CDK19: variants seen among roughly 807,000 people sequenced by gnomAD.
CDK19 encodes the protein cyclin dependent kinase 19.
CDK19 carries 20 observed loss-of-function variants against 68.3 expected under a neutral mutation model. That is an observed-to-expected ratio of 0.29 (90% CI 0.21 to 0.43). The LOEUF (loss-of-function observed/expected upper bound fraction) is 0.43. Among genes scored for constraint, CDK19 ranks in the 20% least tolerant of loss-of-function variants. The pLI, the probability that CDK19 is intolerant of heterozygous loss-of-function variation, is 1.00. For missense variants in CDK19, 339 were observed against 623.5 expected (o/e 0.54, Z 4.86); for synonymous variants, 221 against 222.8 (o/e 0.99, Z 0.07).
intron 2 of CDK19, among the ~76,000 whole-genome samples, chr6:110,694,636 C>A (rs1713130031): frequency 6.6e-6 from 1 of 152,174 alleles, no homozygotes; most frequent in African/African-American, 2.4e-5. Context: ...TTTAACTATA[C>A]CCTAGAACAA....
At chr6:110,637,850 C>T (rs541443520) in intron 5 of CDK19, among the ~76,000 whole-genome samples, 79 of 152,108 alleles carry the variant, frequency 5.2e-4, no homozygotes, top group Admixed American at 8.5e-4. Flanking sequence ...GGCGTGGTGG[C>T]GGGAGCCTGT....
chr6:110,785,387 A>C, intron 1 of CDK19, among the ~76,000 whole-genome samples: 1 of 152,200 alleles, frequency 6.6e-6, no homozygotes, highest in East Asian at 1.9e-4. Flanking sequence ...TGGAAACCTC[A>C]CTGATAACAT....
intron 1 of CDK19, among the ~76,000 whole-genome samples, chr6:110,809,794 C>G (rs915806043): frequency 2.0e-5 from 3 of 152,198 alleles, no homozygotes; most frequent in Non-Finnish European, 4.4e-5. Flanking sequence ...ATGTGACCAA[C>G]TCTGTACAAG....
At position 110,806,673 on chromosome 6, in the gene CDK19, C is replaced by T. The variant is rs1421658806; in HGVS notation, c.128+8336G>A. Reference sequence around the variant, plus strand: ...ATATAGATATGTCATAATGTTTAAGCAATGTTTAAGATTTAAAATATGGGC... The same window carrying T: ...ATATAGATATGTCATAATGTTTAAGTAATGTTTAAGATTTAAAATATGGGC... On this transcript the variant is annotated intron_variant, in intron 1 of 12. Transcript: ENST00000368911. 5.3e-5 allele frequency among the ~76,000 whole-genome samples: 8 copies of T among 152,054 alleles called. No individual in the cohort carries two copies. In the South Asian group the frequency reaches 1.4e-3, roughly 28 times the overall value.
rs543432367 is a variant in CDK19, at chr6:110,670,506, T to C, written c.240A>G (p.Ala80=). 1.1e-5 allele frequency: 17 copies of C among 1,613,116 alleles called. No homozygotes were observed. Among genetic ancestry groups the C allele is most frequent in the East Asian group, 4.5e-5 (2 of 44,860 alleles). The change falls in exon 3 of 13, where the codon GCA becomes GCG. Residue 80 remains alanine, a synonymous_variant. Coordinates refer to ENST00000368911, the MANE Select transcript of CDK19 (RefSeq NM_015076.5). ...LRELKHPNVI[A]LQKVFLSHSD... ...TGTGAGAAAGGAACACCTTCTGCAATGCAATCACATTAGGGTGCTTCAATT... is the reference window on the plus strand; with the variant it reads ...TGTGAGAAAGGAACACCTTCTGCAACGCAATCACATTAGGGTGCTTCAATT...
intron 1 of CDK19, among the ~76,000 whole-genome samples, chr6:110,788,524 C>T (rs1180624917): frequency 6.6e-6 from 1 of 152,160 alleles, no homozygotes. Context: ...CCATAAAATT[C>T]TCCAGCTTTA....
At chr6:110,633,843 G>T (rs550590452) in intron 5 of CDK19, among the ~76,000 whole-genome samples, 1 of 152,276 alleles carries the variant, frequency 6.6e-6, no homozygotes, top group East Asian at 1.9e-4. Flanking sequence ...TAAATGACTT[G>T]CCTGTGGTCA....
chr6:110,673,815 G>A (rs536882429), intron 2 of CDK19, among the ~76,000 whole-genome samples: 12 of 151,828 alleles, frequency 7.9e-5, no homozygotes, highest in African/African-American at 1.7e-4. Context: ...ATGTGGTCTC[G>A]AACTCCTGGC....
At chr6:110,763,834 A>G (rs1332096383) in intron 1 of CDK19, among the ~76,000 whole-genome samples, 4 of 152,220 alleles carry the variant, frequency 2.6e-5, no homozygotes, top group African/African-American at 9.6e-5. Context: ...CAGACGACGT[A>G]ATTGTCTACG....
Position 110,624,129 on chromosome 6 carries a change from C to T in CDK19, c.861-767G>A, listed in dbSNP as rs557463820. On this transcript the variant is annotated intron_variant, in intron 8 of 12. Transcript: ENST00000368911. ...TTATAAAAAGTTGAAAGACAATAAACTGAACAATAACTTTTAGAGGTACAT... is the reference window on the plus strand; with the variant it reads ...TTATAAAAAGTTGAAAGACAATAAATTGAACAATAACTTTTAGAGGTACAT... 2.0e-5 allele frequency among the ~76,000 whole-genome samples: 3 copies of T among 151,732 alleles called. 1 individual carries two copies. The South Asian group carries it at 6.2e-4, about 31-fold the overall frequency.
chr6:110,797,296 C>T (rs802679), intron 1 of CDK19, among the ~76,000 whole-genome samples: 6,217 of 150,532 alleles, frequency 0.041, 219 homozygotes, highest in Non-Finnish European at 0.054. Context: ...ACCGAGATCG[C>T]GCCACTGCAC....
Position 110,815,302 on chromosome 6 carries a change from T to G in CDK19, c.-166A>C. On this transcript the variant is annotated 5_prime_UTR_variant, in exon 1 of 13. Transcript: ENST00000368911. ...CCGCGGTCCGCCTTCAGCAAGGGAC[T>G]CCTCGGCGGCCACAGCAGCCACCTC... 1 of 696,274 alleles carries G rather than the reference T, an allele frequency of 1.4e-6. No individual in the cohort carries two copies. The highest frequency in any genetic ancestry group is 3.6e-5 in the South Asian group (1 of 27,558). 43.1% of individuals were successfully genotyped at this position (696,274 alleles called of 1,614,324 possible). A position where few individuals can be genotyped will look rare whatever the true frequency, so the allele number is the denominator to read the frequency against.
chr6:110,684,071 T>C (rs13208810), intron 2 of CDK19, among the ~76,000 whole-genome samples: 1 of 151,900 alleles, frequency 6.6e-6, no homozygotes, highest in Non-Finnish European at 1.5e-5. Context: ...TCAAGGGCAC[T>C]CTGAATATAC....
chr6:110,631,445 A>T (rs1779430628), intron 6 of CDK19, among the ~76,000 whole-genome samples: 1 of 152,188 alleles, frequency 6.6e-6, no homozygotes, highest in African/African-American at 2.4e-5. Context: ...AATTTTACAC[A>T]GTGTGTTTAT....
rs564717112 is a variant in CDK19 at position 110,777,921 on chromosome 6, G to T, written c.129-31720C>A. ...TATAGATCCCATGTACATCAGGTAG[G>T]TACAGTAGTCAAATTCATAGAGACA... is the stretch of plus-strand genomic sequence containing the variant. On this transcript the variant is annotated intron_variant, in intron 1 of 12. Transcript: ENST00000368911. Among the ~76,000 whole-genome samples, 65 of 152,318 alleles carry T rather than the reference G, an allele frequency of 4.3e-4. 1 individual carries two copies. The South Asian group carries it at 1.0e-2, about 23-fold the overall frequency.
At chr6:110,768,611 A>G (rs1394723179) in intron 1 of CDK19, among the ~76,000 whole-genome samples, 1 of 152,118 alleles carries the variant, frequency 6.6e-6, no homozygotes, top group East Asian at 1.9e-4. Context: ...TGCATATTAC[A>G]AAGTGCAAGA....
At chr6:110,647,581 C>T (rs1308762861) in intron 4 of CDK19, among the ~76,000 whole-genome samples, 11 of 152,098 alleles carry the variant, frequency 7.2e-5, no homozygotes, top group Non-Finnish European at 1.5e-4. Context: ...AAAAATGTAA[C>T]CTACAAATTG....
At chr6:110,732,517 C>T (rs1447341034) in intron 2 of CDK19, among the ~76,000 whole-genome samples, 1 of 151,992 alleles carries the variant, frequency 6.6e-6, no homozygotes, top group Admixed American at 6.6e-5. Flanking sequence ...GCGTGGGCAA[C>T]AAGGCAAGAA....
At chr6:110,703,788 T>C (rs1223942510) in intron 2 of CDK19, among the ~76,000 whole-genome samples, 1 of 152,148 alleles carries the variant, frequency 6.6e-6, no homozygotes, top group African/African-American at 2.4e-5. Flanking sequence ...TGCAGTGAGC[T>C]ATGATCACAC....
Sources: gnomAD v4.1 joint callset for allele counts (sites outside exome capture counted in the v4.1 genomes callset) on GRCh38, gnomAD v4.1.1 for gene constraint, MANE v1.5 for transcripts, NCBI Gene and HGNC (gene_info 2026-07-23, HGNC 2026-07-21) for gene names.